CPNE7: variants seen among roughly 807,000 people sequenced by gnomAD.
CPNE7 encodes copine 7.
In CPNE7, 78 loss-of-function variants were observed where a neutral mutation model predicts 66.5. The ratio of observed to expected loss-of-function variants is 1.17; its 90% CI spans 0.98 to 1.42. The LOEUF (loss-of-function observed/expected upper bound fraction) is 1.42. Ranked by LOEUF, CPNE7 falls within the 40% of genes most tolerant of loss-of-function variation. The probability of loss-of-function intolerance (pLI) is 0.00; values close to 1 mark genes in which losing one functional copy is unlikely to be tolerated. For synonymous variants in CPNE7, 468 were observed against 336.7 expected (o/e 1.39, Z -4.27); for missense variants, 1,012 against 776.6 (o/e 1.30, Z -3.60).
intron 2 of CPNE7, 123 bp downstream of exon 2, chr16:89,577,844 C>T (rs776597450): frequency 7.8e-6 from 6 of 770,746 alleles, no homozygotes; most frequent in Non-Finnish European, 1.2e-5. Flanking sequence ...CTGCCCCCTC[C>T]TCAGCTCCTC....
At chr16:89,582,547 G>A (rs748155262) in intron 2 of CPNE7, among the ~76,000 whole-genome samples, 2 of 152,154 alleles carry the variant, frequency 1.3e-5, no homozygotes, top group African/African-American at 2.4e-5. Flanking sequence ...TTTGAATCAG[G>A]GAATCTTGGG....
At chr16:89,586,257 G>A (rs1234146664) in intron 7 of CPNE7, among the ~76,000 whole-genome samples, 1 of 152,048 alleles carries the variant, frequency 6.6e-6, no homozygotes, top group African/African-American at 2.4e-5. Context: ...TCATAGCAGG[G>A]GTGGCCCCCA....
intron 13 of CPNE7, among the ~76,000 whole-genome samples, chr16:89,592,074 T>A (rs556028478): frequency 9.0e-5 from 13 of 144,416 alleles, no homozygotes; most frequent in Non-Finnish European, 7.5e-5. Context: ...AGTGGCGCAA[T>A]CTCCGCTCAC....
At chr16:89,585,621 C>T in intron 6 of CPNE7, 66 bp from the exon 7 acceptor site, 1 of 1,542,314 alleles carries the variant, frequency 6.5e-7, no homozygotes, top group South Asian at 1.2e-5. Context: ...ATGGAGACAC[C>T]TGGGCTCGGG....
Position 89,575,956 on chromosome 16 carries a change from G to A in CPNE7, c.59G>A (p.Cys20Tyr), listed in dbSNP as rs763442506. ...ACCCCCGGGGGTTTGCCCGCGCCCT[G>A]CGCCTCGAAGGTGGAGCTGCGGCTC... is the stretch of plus-strand genomic sequence containing the variant. ...AATPGGLPAPCASKVELRLSC... is the reference protein window; with the variant it reads ...AATPGGLPAPYASKVELRLSC... Residue 20 changes from cysteine to tyrosine, a missense_variant, in exon 1 of 15, where the codon TGC becomes TAC. Cys to Tyr is a radical substitution (Grantham distance 194). Transcript: ENST00000319518. 1.2e-4 allele frequency: 159 copies of A among 1,350,226 alleles called. No homozygotes were observed. The Middle Eastern group carries it at 2.2e-3, about 19-fold the overall frequency. The allele number at this position is 1,350,226 out of a possible 1,614,324, so 83.6% of individuals were successfully genotyped here.
At chr16:89,585,833 TG>T in intron 7 of CPNE7, 48 bp downstream of exon 7, 1 of 21,002 alleles carries the variant, frequency 4.8e-5, no homozygotes, top group Non-Finnish European at 8.9e-5. Context: ...CAGGTGGGGG[TG>T]GAGGGGGGCC....
Position 89,584,089 on chromosome 16 carries a change from A to G in CPNE7, c.494A>G (p.Lys165Arg), listed in dbSNP as rs373044683. The G allele has an allele frequency of 8.7e-6, 14 of 1,611,392 alleles. No individual in the cohort carries two copies. The highest frequency in any genetic ancestry group is 1.2e-5 in the Non-Finnish European group (14 of 1,179,310). Reference sequence around the variant, plus strand: ...GTGGAGCTCTCCTTCCGGGCCAGGAAGCTGGACGACAAGGTGAGTGCAGGT... The same window carrying G: ...GTGGAGCTCTCCTTCCGGGCCAGGAGGCTGGACGACAAGGTGAGTGCAGGT... ...GYVELSFRAR[K>R]LDDKDLFSKS... is the part of the protein sequence containing the mutation. Residue 165 changes from lysine to arginine, a missense_variant, in exon 4 of 15, where the codon AAG (lysine) becomes AGG (arginine). By Grantham distance (26) the Lys-to-Arg change is conservative (BLOSUM62 2). Transcript: ENST00000319518. This position sits in a 1 kb window ranked among gnomAD's most constrained non-coding sequence, Gnocchi z 6.0.
At position 89,576,078 on chromosome 16, in the gene CPNE7, C is replaced by A; in HGVS notation, c.174+7C>A. 7.9e-7 allele frequency: 1 copy of A among 1,260,334 alleles called. No homozygotes were observed. The highest frequency in any genetic ancestry group is 1.0e-6 in the Non-Finnish European group (1 of 1,002,428). 78.1% of individuals were successfully genotyped at this position (1,260,334 alleles called of 1,614,324 possible). On this transcript the variant is annotated splice_region_variant and intron_variant, in intron 1 of 14. Coordinates refer to ENST00000319518, the MANE Select transcript of CPNE7 (RefSeq NM_153636.3). ...GCAGGGCCAGTGGGTGCAGGTAGGG[C>A]CGGGGCGTGGGAGGCCGAGAGGCCA... is the stretch of plus-strand genomic sequence containing the variant.
rs951622683 is a variant in CPNE7, at chr16:89,595,397, G to A, written c.1333G>A (p.Gly445Ser). ...CTACATCCTGCTGATCCTGACGGACGGCGTGGTGACCGACATGGCCGACAC... is the reference window on the plus strand; with the variant it reads ...CTACATCCTGCTGATCCTGACGGACAGCGTGGTGACCGACATGGCCGACAC... ...QYYILLILTD[G>S]VVTDMADTRE... The change falls in exon 14 of 15, where the codon GGC (glycine) becomes AGC (serine). Residue 445 changes from glycine to serine, a missense_variant. Transcript: ENST00000319518. The A allele has an allele frequency of 6.9e-6, 11 of 1,592,452 alleles. No homozygotes were observed. The Admixed American group carries it at 8.5e-5, about 12-fold the overall frequency.
At chr16:89,578,204 A>G (rs1338799710) in intron 2 of CPNE7, among the ~76,000 whole-genome samples, 4 of 151,300 alleles carry the variant, frequency 2.6e-5, no homozygotes, top group African/African-American at 9.7e-5. Context: ...AGCTGGGATT[A>G]CAGGCACCCG....
intron 2 of CPNE7, among the ~76,000 whole-genome samples, chr16:89,580,442 T>C (rs1475529651): frequency 3.1e-5 from 3 of 96,444 alleles, no homozygotes; most frequent in Non-Finnish European, 6.1e-5. Flanking sequence ...ACAGAACATC[T>C]CACCCATCAC....
intron 9 of CPNE7, among the ~76,000 whole-genome samples, chr16:89,588,163 T>TTA (rs2151448096): frequency 1.1e-5 from 1 of 88,270 alleles, no homozygotes; most frequent in South Asian, 6.1e-4. Context: ...GGCCCCCGTG[T>TTA]CACCCGCGTG....
rs150582362 is a variant in CPNE7, at chr16:89,591,767, C to T, written c.1302+507C>T. On this transcript the variant is annotated intron_variant, in intron 13 of 14. Transcript: ENST00000319518. ...CAGGCTGGAGTGCAGTGATGTGATC[C>T]CAGCTCACTGCAACCTCTGCTTCCC... 3.2e-3 allele frequency among the ~76,000 whole-genome samples: 488 copies of T among 151,506 alleles called. 3 individuals are homozygous for T. The highest frequency in any genetic ancestry group is 0.011 in the African/African-American group (464 of 41,240).
At chr16:89,586,570 G>A (rs2059042757) in intron 7 of CPNE7, 100 bp from the exon 8 acceptor site, 2 of 909,604 alleles carry the variant, frequency 2.2e-6, no homozygotes, top group Non-Finnish European at 1.8e-6. Context: ...CCCACCACGG[G>A]GCCCTCTGCC....
rs2151436883 is a variant in CPNE7 at position 89,584,626 on chromosome 16, C to T, written c.508-148C>T. 1 of 655,128 alleles carries T rather than the reference C, an allele frequency of 1.5e-6. No homozygotes were observed. The highest frequency in any genetic ancestry group is 2.7e-6 in the Non-Finnish European group (1 of 366,350). The allele number at this position is 655,128 out of a possible 1,614,324, so 40.6% of individuals were successfully genotyped here. A position where few individuals can be genotyped will look rare whatever the true frequency, so the allele number is the denominator to read the frequency against. ...GGGGGCGGGAGGGAGGGACGAGATG[C>T]TGTCGGCGGGGACTGGCTGCCTCGT... On this transcript the variant is annotated intron_variant, in intron 4 of 14. Transcript: ENST00000319518. The surrounding 1 kb of genome is among the most constrained non-coding windows in gnomAD (Gnocchi z 6.0).
At chr16:89,586,533 C>G in intron 7 of CPNE7, 137 bp from the exon 8 acceptor site, 1 of 665,174 alleles carries the variant, frequency 1.5e-6, no homozygotes, top group East Asian at 2.7e-5. Context: ...TTCCTGCTGC[C>G]CTGCAGCAGT....
At chr16:89,588,902 G>T in intron 10 of CPNE7, 94 bp downstream of exon 10, 1 of 1,527,668 alleles carries the variant, frequency 6.5e-7, no homozygotes, top group Admixed American at 1.7e-5. Context: ...TGGTCTCCAG[G>T]TCAGCTATGA....
chr16:89,589,634 G>C (rs1343259677), intron 10 of CPNE7, among the ~76,000 whole-genome samples: 1 of 152,164 alleles, frequency 6.6e-6, no homozygotes, highest in Non-Finnish European at 1.5e-5. Flanking sequence ...CCCCCGGGGA[G>C]GCGTCTGCAG....
intron 9 of CPNE7, 150 bp downstream of exon 9, chr16:89,587,252 G>C (rs12924549): frequency 1.6e-3 from 124 of 79,678 alleles, no homozygotes; most frequent in African/African-American, 5.1e-3. Flanking sequence ...CGCCCCTCCC[G>C]CCCCCTCAGT....
Sources: gnomAD v4.1 joint callset for allele counts (sites outside exome capture counted in the v4.1 genomes callset) on GRCh38, gnomAD v4.1.1 for gene constraint, Gnocchi (gnomAD v3.1) non-coding constraint, MANE v1.5 for transcripts, NCBI Gene and HGNC (gene_info 2026-07-23, HGNC 2026-07-21) for gene names.